MDGA2: variants seen among roughly 807,000 people sequenced by gnomAD.
MDGA2 encodes MAM domain-containing glycosylphosphatidylinositol anchor protein 2.
Under a neutral mutation model 117.8 loss-of-function variants are expected in MDGA2, and 40 were observed. That is an observed-to-expected ratio of 0.34 (90% CI 0.26 to 0.44). The LOEUF is 0.44. Ranked by LOEUF, MDGA2 falls within the 20% of genes least tolerant of loss-of-function variation. The probability of loss-of-function intolerance (pLI) is 1.00; values close to 1 mark genes in which losing one functional copy is unlikely to be tolerated. For synonymous variants in MDGA2, 452 were observed against 439.0 expected (o/e 1.03, Z -0.37); for missense variants, 1,123 against 1,250.6 (o/e 0.90, Z 1.54).
At position 47,084,266 on chromosome 14, in the gene MDGA2, T is replaced by G. The variant is rs889039180; in HGVS notation, c.1195+12588A>C. Among the ~76,000 whole-genome samples the G allele has an allele frequency of 3.9e-5, 6 of 152,106 alleles. No homozygotes were observed. The South Asian group carries it at 1.2e-3, about 32-fold the overall frequency. On this transcript the variant is annotated intron_variant, in intron 6 of 16. Transcript: ENST00000399232. The stretch of plus-strand genomic sequence containing the variant: ...AGATTATAGGAAATCTCCAAATTCT[T>G]GGAAACTGAACAACACTCTTCTAAA...
At chr14:46,880,141 A>C (rs1882386350) in intron 11 of MDGA2, among the ~76,000 whole-genome samples, 1 of 151,916 alleles carries the variant, frequency 6.6e-6, no homozygotes, top group Non-Finnish European at 1.5e-5. Context: ...CAGGCTGCCC[A>C]TGGAGAAACC....
chr14:47,484,821 C>A (rs1894025228), intron 1 of MDGA2, among the ~76,000 whole-genome samples: 1 of 152,114 alleles, frequency 6.6e-6, no homozygotes, highest in African/African-American at 2.4e-5. Context: ...TCTTTCTTTG[C>A]CTGCCACCAT....
At chr14:46,849,780 C>A (rs575955933) in intron 15 of MDGA2, among the ~76,000 whole-genome samples, 1 of 151,600 alleles carries the variant, frequency 6.6e-6, no homozygotes, top group East Asian at 1.9e-4. Flanking sequence ...TTTTTATTTC[C>A]ATCATTTCCA....
At chr14:47,157,933 A>G (rs562467519) in intron 3 of MDGA2, among the ~76,000 whole-genome samples, 1 of 151,940 alleles carries the variant, frequency 6.6e-6, no homozygotes, top group South Asian at 2.1e-4. Context: ...AGTCAATTAA[A>G]TGTCTTTTTT....
intron 3 of MDGA2, among the ~76,000 whole-genome samples, chr14:47,171,953 C>G (rs1036728346): frequency 1.4e-4 from 21 of 152,168 alleles, no homozygotes; most frequent in Admixed American, 6.5e-5. Flanking sequence ...TAATACTGCG[C>G]TTTTCCGACG....
intron 1 of MDGA2, among the ~76,000 whole-genome samples, chr14:47,494,311 T>C (rs911412267): frequency 2.6e-5 from 4 of 152,200 alleles, no homozygotes; most frequent in African/African-American, 4.8e-5. Flanking sequence ...GGGATTGGTA[T>C]ATAAACTTAA....
intron 1 of MDGA2, chr14:47,343,037 G>A: frequency 2.3e-6 from 3 of 1,277,636 alleles, no homozygotes; most frequent in Non-Finnish European, 3.1e-6. Flanking sequence ...GAAGCAGGCA[G>A]CACTACCGTG....
chr14:46,864,667 C>T (rs894949895), intron 14 of MDGA2, among the ~76,000 whole-genome samples: 1 of 139,144 alleles, frequency 7.2e-6, no homozygotes, highest in Admixed American at 7.9e-5. Context: ...ATTATTTTCA[C>T]ATTTACAGCA....
At chr14:47,552,391 C>G (rs374070273) in intron 1 of MDGA2, among the ~76,000 whole-genome samples, 2 of 152,236 alleles carry the variant, frequency 1.3e-5, no homozygotes, top group African/African-American at 4.8e-5. Context: ...TGAGCTAAAG[C>G]TCTTCCACAG....
intron 7 of MDGA2, among the ~76,000 whole-genome samples, chr14:47,040,412 C>A (rs1287788413): frequency 2.6e-5 from 4 of 151,944 alleles, no homozygotes; most frequent in Non-Finnish European, 5.9e-5. Flanking sequence ...GCCCAAGAAG[C>A]CCAGAAATTT....
intron 8 of MDGA2, among the ~76,000 whole-genome samples, chr14:46,991,602 T>C (rs78907442): frequency 3.3e-5 from 5 of 152,112 alleles, no homozygotes; most frequent in Non-Finnish European, 5.9e-5. Context: ...AAGTTAATGA[T>C]GTCTGTGAGA....
rs114237660 is a variant in MDGA2, at chr14:46,882,475, A to C, written c.2239-254T>G. Among the ~76,000 whole-genome samples, 685 of 151,494 alleles carry C rather than the reference A, an allele frequency of 4.5e-3. 7 individuals carry two copies. Among genetic ancestry groups the C allele is most frequent in the African/African-American group, 0.015 (626 of 41,328 alleles). ...TCATCTAATGTTTAGTAAGAGTCAGAAAATTCCAAAGTGTCTCTGATCTTG... is the reference window on the plus strand; with the variant it reads ...TCATCTAATGTTTAGTAAGAGTCAGCAAATTCCAAAGTGTCTCTGATCTTG... On this transcript the variant is annotated intron_variant, in intron 10 of 16. Transcript: ENST00000399232.
intron 4 of MDGA2, among the ~76,000 whole-genome samples, chr14:47,133,490 T>C (rs1882308301): frequency 6.6e-6 from 1 of 151,990 alleles, no homozygotes; most frequent in Admixed American, 6.6e-5. Flanking sequence ...ATTCTACTTG[T>C]TCCATAGTTA....
chr14:46,955,604 T>G (rs1298059937), intron 9 of MDGA2, among the ~76,000 whole-genome samples: 2 of 151,924 alleles, frequency 1.3e-5, no homozygotes, highest in Non-Finnish European at 2.9e-5. Flanking sequence ...TCTTAGCCCC[T>G]TACTCTAACA....
At chr14:47,608,175 A>C in intron 1 of MDGA2, among the ~76,000 whole-genome samples, 1 of 152,170 alleles carries the variant, frequency 6.6e-6, no homozygotes, top group East Asian at 1.9e-4. Flanking sequence ...ATATCACTGA[A>C]TGATGCATAG....
chr14:47,197,664 A>G (rs1026705939), intron 3 of MDGA2, among the ~76,000 whole-genome samples: 1 of 152,170 alleles, frequency 6.6e-6, no homozygotes, highest in African/African-American at 2.4e-5. Context: ...TAATCTCAGC[A>G]CTTTGAGAGG....
intron 1 of MDGA2, among the ~76,000 whole-genome samples, chr14:47,398,170 T>G (rs1161117502): frequency 1.3e-5 from 2 of 152,160 alleles, no homozygotes; most frequent in Non-Finnish European, 2.9e-5. Flanking sequence ...ACTATACGGC[T>G]CTTCAATTAA....
chr14:47,440,500 A>C (rs992323525), intron 1 of MDGA2, among the ~76,000 whole-genome samples: 1 of 152,132 alleles, frequency 6.6e-6, no homozygotes. Context: ...AGTCATACGT[A>C]ATTGTTAAAC....
intron 1 of MDGA2, among the ~76,000 whole-genome samples, chr14:47,559,478 T>C (rs1262588902): frequency 6.6e-6 from 1 of 152,214 alleles, no homozygotes; most frequent in African/African-American, 2.4e-5. Context: ...ATTTTCTTTA[T>C]CCATTCTACT....
Sources: allele counts gnomAD v4.1 joint callset (sites outside exome capture counted in the v4.1 genomes callset), GRCh38; gene constraint gnomAD v4.1.1; transcripts MANE v1.5; gene names NCBI Gene and HGNC (gene_info 2026-07-23, HGNC 2026-07-21).